The following TPST1 variants were observed in gnomAD, a reference collection of about 807,000 sequenced individuals.
TPST1 encodes tyrosylprotein sulfotransferase 1, also known as protein-tyrosine sulfotransferase 1.
A neutral mutation model predicts 34.8 loss-of-function variants in TPST1; 20 were observed. The ratio of observed to expected loss-of-function variants is 0.57; its 90% CI spans 0.40 to 0.84. The LOEUF is 0.84. Among genes scored for constraint, TPST1 ranks in the 40% least tolerant of loss-of-function variants. The pLI, the probability that TPST1 is intolerant of heterozygous loss-of-function variation, is 0.00. For synonymous variants in TPST1, 152 were observed against 159.4 expected (o/e 0.95, Z 0.35); for missense variants, 353 against 455.5 (o/e 0.78, Z 2.05).
intron 2 of TPST1, among the ~76,000 whole-genome samples, chr7:66,267,546 A>G (rs1322225352): frequency 6.6e-6 from 1 of 152,206 alleles, no homozygotes; most frequent in Non-Finnish European, 1.5e-5. Flanking sequence ...ACAAAACCAC[A>G]GCAGAACTGC....
intron 3 of TPST1, among the ~76,000 whole-genome samples, chr7:66,331,107 C>CT (rs1339766523): frequency 6.6e-6 from 1 of 152,192 alleles, no homozygotes; most frequent in Non-Finnish European, 1.5e-5. Flanking sequence ...TTTTCACTGG[C>CT]TGTTGGCTGG....
intron 3 of TPST1, among the ~76,000 whole-genome samples, chr7:66,340,398 A>C (rs1792212829): frequency 6.6e-6 from 1 of 152,160 alleles, no homozygotes; most frequent in African/African-American, 2.4e-5. Context: ...CCAAGCAATT[A>C]GGCAAGAGAA....
At chr7:66,347,008 C>G (rs1792364321) in intron 3 of TPST1, among the ~76,000 whole-genome samples, 1 of 148,598 alleles carries the variant, frequency 6.7e-6, no homozygotes, top group African/African-American at 2.5e-5. Context: ...TTGTATATGG[C>G]AAGAGATAGG....
chr7:66,230,613 A>G (rs892600963), intron 1 of TPST1, among the ~76,000 whole-genome samples: 2 of 152,116 alleles, frequency 1.3e-5, no homozygotes, highest in Non-Finnish European at 2.9e-5. Context: ...TTCAGGAGTG[A>G]AGCTGCAGAT....
chr7:66,277,407 A>G (rs1790841699), intron 2 of TPST1, among the ~76,000 whole-genome samples: 1 of 152,140 alleles, frequency 6.6e-6, no homozygotes, highest in Non-Finnish European at 1.5e-5. Flanking sequence ...TCACCACATT[A>G]ACATTCATTC....
At chr7:66,311,708 G>A (rs956665115) in intron 3 of TPST1, among the ~76,000 whole-genome samples, 2 of 152,158 alleles carry the variant, frequency 1.3e-5, no homozygotes, top group Non-Finnish European at 2.9e-5. Flanking sequence ...GAGAAGACAT[G>A]CCATAGAAGA....
rs758772937 is a variant in TPST1, at chr7:66,296,256, CCT to C, written c.1044+9549_1044+9550del. Among the ~76,000 whole-genome samples, 31 of 41,468 alleles carry C rather than the reference CCT, an allele frequency of 7.5e-4. 5 individuals are homozygous for C. The highest frequency in any genetic ancestry group is 3.8e-3 in the African/African-American group (28 of 7,318). The allele number at this position is 41,468 out of a possible 152,430, so 27.2% of individuals were successfully genotyped here. ...AAAAAACACCCACCCTTCCCCCCCC[CCT>C]CCCCCACCGTCTCTGCCTATCTTTA... is the stretch of plus-strand genomic sequence containing the variant. On this transcript the variant is annotated intron_variant, in intron 3 of 5. Transcript: ENST00000304842.
chr7:66,259,649 A>G (rs1357362621), intron 2 of TPST1, among the ~76,000 whole-genome samples: 1 of 152,148 alleles, frequency 6.6e-6, no homozygotes, highest in Non-Finnish European at 1.5e-5. Context: ...ACTTGAACAG[A>G]AAGTGTAGAG....
chr7:66,236,086 A>C (rs901197775), intron 1 of TPST1, among the ~76,000 whole-genome samples: 1 of 152,172 alleles, frequency 6.6e-6, no homozygotes, highest in Non-Finnish European at 1.5e-5. Context: ...ACTTTGACAG[A>C]CAGTGAGCAG....
rs1438009840 is a variant in TPST1 at position 66,240,922 on chromosome 7, C to T, written c.497C>T (p.Ser166Phe). ...LCNKDPFALKSLTYLSRLFPN... is the reference protein window; with the variant it reads ...LCNKDPFALKFLTYLSRLFPN... ...AATAAAGATCCTTTTGCCCTGAAATCTTTAACTTACCTTTCTAGGTTATTC... is the reference window on the plus strand; with the variant it reads ...AATAAAGATCCTTTTGCCCTGAAATTTTTAACTTACCTTTCTAGGTTATTC... The change falls in exon 2 of 6, where the codon TCT becomes TTT. Residue 166 changes from serine (S) to phenylalanine (F), a missense_variant. Ser to Phe is a radical substitution (Grantham distance 155). Coordinates refer to ENST00000304842, the MANE Select transcript of TPST1 (RefSeq NM_003596.4). The T allele has an allele frequency of 1.9e-6, 3 of 1,614,198 alleles. No homozygotes were observed. The highest frequency in any genetic ancestry group is 2.5e-6 in the Non-Finnish European group (3 of 1,180,034).
chr7:66,207,668 C>G (rs1042841146), intron 1 of TPST1, among the ~76,000 whole-genome samples: 2 of 152,104 alleles, frequency 1.3e-5, no homozygotes, highest in African/African-American at 4.8e-5. Context: ...TCAAATAGCA[C>G]CTATATATTT....
intron 2 of TPST1, among the ~76,000 whole-genome samples, chr7:66,259,705 A>G (rs532580406): frequency 1.3e-5 from 2 of 152,226 alleles, no homozygotes; most frequent in South Asian, 2.1e-4. Flanking sequence ...GCCTCCCCCA[A>G]TATCAGTATC....
intron 3 of TPST1, among the ~76,000 whole-genome samples, chr7:66,350,474 C>T (rs1562856232): frequency 6.6e-6 from 1 of 151,828 alleles, no homozygotes; most frequent in Non-Finnish European, 1.5e-5. Flanking sequence ...ACGGAAATAC[C>T]TTATCTATAA....
intron 3 of TPST1, 102 bp from the exon 4 acceptor site, chr7:66,352,403 C>A: frequency 6.5e-7 from 1 of 1,537,466 alleles, no homozygotes; most frequent in South Asian, 1.3e-5. Context: ...AACTCACCAG[C>A]AGTGGAGCAG....
intron 1 of TPST1, among the ~76,000 whole-genome samples, chr7:66,227,657 A>T (rs2116325786): frequency 1.3e-5 from 2 of 152,058 alleles, no homozygotes; most frequent in Middle Eastern, 6.8e-3. Context: ...CTGGTGCAAG[A>T]TGCTGGCAGT....
intron 2 of TPST1, among the ~76,000 whole-genome samples, chr7:66,268,153 A>G (rs530795612): frequency 2.0e-5 from 3 of 151,988 alleles, no homozygotes; most frequent in Non-Finnish European, 4.4e-5. Flanking sequence ...AGGTTTTGCC[A>G]TGTTGCCCAG....
At chr7:66,266,790 G>A (rs914409571) in intron 2 of TPST1, among the ~76,000 whole-genome samples, 8 of 152,216 alleles carry the variant, frequency 5.3e-5, no homozygotes, top group Non-Finnish European at 1.2e-4. Flanking sequence ...AGTATATACT[G>A]TAGGTTTCCA....
At chr7:66,224,114 A>G (rs1256387982) in intron 1 of TPST1, among the ~76,000 whole-genome samples, 2 of 152,174 alleles carry the variant, frequency 1.3e-5, no homozygotes, top group Non-Finnish European at 2.9e-5. Flanking sequence ...CCTAACGTGC[A>G]GCTAGGAAAA....
chr7:66,251,074 A>G (rs931332011), intron 2 of TPST1, among the ~76,000 whole-genome samples: 1 of 152,232 alleles, frequency 6.6e-6, no homozygotes, highest in Admixed American at 6.5e-5. Flanking sequence ...TTGACTGCAG[A>G]GAACTACCTG....
Sources: gnomAD v4.1 joint callset for allele counts (sites outside exome capture counted in the v4.1 genomes callset) on GRCh38, gnomAD v4.1.1 for gene constraint, MANE v1.5 for transcripts, NCBI Gene and HGNC (gene_info 2026-07-23, HGNC 2026-07-21) for gene names.